Variants in ADAMTS12 observed in about 807,000 individuals in gnomAD.
ADAMTS12 encodes ADAM metallopeptidase with thrombospondin type 1 motif 12.
ADAMTS12 carries 118 observed loss-of-function variants against 167.8 expected under a neutral mutation model. That is an observed-to-expected ratio of 0.70 (90% CI 0.61 to 0.82). The LOEUF (loss-of-function observed/expected upper bound fraction) is 0.82. ADAMTS12 is among the 40% of genes least tolerant of loss of function. The pLI is 0.00. For missense variants in ADAMTS12, 1,916 were observed against 1,998.8 expected (o/e 0.96, Z 0.79); for synonymous variants, 704 against 716.9 (o/e 0.98, Z 0.29).
chr5:33,788,686 C>A (rs1353699233), intron 2 of ADAMTS12, among the ~76,000 whole-genome samples: 1 of 152,122 alleles, frequency 6.6e-6, no homozygotes, highest in Non-Finnish European at 1.5e-5. Context: ...TGGATTATAG[C>A]CTTGAGAAAG....
In ADAMTS12 at chr5:33,630,862, T is replaced by G. The variant is rs1162873433; in HGVS notation, c.1940A>C (p.Lys647Thr). The change falls in exon 13 of 24, where the codon AAA becomes ACA. Residue 647 changes from lysine to threonine, a missense_variant. Lys to Thr is a moderately conservative substitution (Grantham distance 78). Transcript: ENST00000504830. ...CRPIDGQFSE[K>T]MLDAVIDGTP... ...ACCATCAATGACAGCATCCAGCATT[T>G]TCTCAGAAAACTGGCCATCTATGGG... 1 of 1,613,704 alleles carries G rather than the reference T, an allele frequency of 6.2e-7. No homozygotes were observed. Among genetic ancestry groups the G allele is most frequent in the Non-Finnish European group, 8.5e-7 (1 of 1,179,704 alleles).
intron 20 of ADAMTS12, among the ~76,000 whole-genome samples, chr5:33,554,639 G>A (rs1253734627): frequency 4.6e-5 from 7 of 152,126 alleles, no homozygotes; most frequent in African/African-American, 1.7e-4. Flanking sequence ...TTTGCACACT[G>A]GACTTTAGTA....
chr5:33,821,668 G>A (rs1312258354), intron 2 of ADAMTS12, among the ~76,000 whole-genome samples: 1 of 151,956 alleles, frequency 6.6e-6, no homozygotes, highest in East Asian at 1.9e-4. Flanking sequence ...AATATATAAG[G>A]CAACACATTT....
At chr5:33,657,541 C>T (rs1741104597) in intron 7 of ADAMTS12, among the ~76,000 whole-genome samples, 1 of 152,200 alleles carries the variant, frequency 6.6e-6, no homozygotes, top group African/African-American at 2.4e-5. Flanking sequence ...TATATCTTCA[C>T]TCAAGCATTC....
intron 2 of ADAMTS12, among the ~76,000 whole-genome samples, chr5:33,849,722 GTATCTATATATGTATTGCATAGCAATAT>G (rs1749146307): frequency 6.8e-6 from 1 of 146,956 alleles, no homozygotes; most frequent in African/African-American, 2.5e-5. Context: ...GCAATATATA[GTATCTATATATGTATTGCATAGCAATAT>G]ATAGTATCTA....
chr5:33,700,548 G>C (rs1742961450), intron 3 of ADAMTS12, among the ~76,000 whole-genome samples: 1 of 152,192 alleles, frequency 6.6e-6, no homozygotes, highest in South Asian at 2.1e-4. Context: ...ATGGTAGGGA[G>C]GTGGGTATGG....
intron 18 of ADAMTS12, among the ~76,000 whole-genome samples, chr5:33,588,194 G>C (rs1448098336): frequency 6.6e-6 from 1 of 152,208 alleles, no homozygotes; most frequent in Non-Finnish European, 1.5e-5. Flanking sequence ...AGTGTCAAGC[G>C]ACACTCTTTT....
chr5:33,613,474 G>T (rs186806780), intron 16 of ADAMTS12, among the ~76,000 whole-genome samples: 2 of 152,086 alleles, frequency 1.3e-5, no homozygotes, highest in African/African-American at 2.4e-5. Context: ...GCCAACCAAC[G>T]AGATGTGAGT....
chr5:33,641,895 A>C lies in ADAMTS12; in HGVS notation c.1633T>G (p.Trp545Gly). The part of the protein sequence containing the change: ...GKKPESIPGG[W>G]GRWSPWSHCS... Reference sequence around the variant, plus strand: ...TGGGACCAGGGTGACCAGCGGCCCCAGCCTCCAGGAATGCTCTCTGGTTTC... The same window carrying C: ...TGGGACCAGGGTGACCAGCGGCCCCCGCCTCCAGGAATGCTCTCTGGTTTC... The change falls in exon 11 of 24, where the codon TGG becomes GGG. Residue 545 changes from tryptophan to glycine, a missense_variant. Coordinates refer to ENST00000504830, the MANE Select transcript of ADAMTS12 (RefSeq NM_030955.4). 1 of 1,613,824 alleles carries C rather than the reference A, an allele frequency of 6.2e-7. No individual in the cohort carries two copies. The highest frequency in any genetic ancestry group is 8.5e-7 in the Non-Finnish European group (1 of 1,179,794).
At chr5:33,661,682 A>G (rs1172880840) in intron 6 of ADAMTS12, among the ~76,000 whole-genome samples, 1 of 152,234 alleles carries the variant, frequency 6.6e-6, no homozygotes, top group Admixed American at 6.5e-5. Context: ...AGAGGCCTGC[A>G]TTTTGCCAGC....
At chr5:33,617,368 C>T (rs532492025) in intron 14 of ADAMTS12, among the ~76,000 whole-genome samples, 11 of 152,180 alleles carry the variant, frequency 7.2e-5, no homozygotes, top group East Asian at 3.9e-4. Flanking sequence ...CTTCCTCTGG[C>T]GCTAAAGAAG....
At chr5:33,631,474 A>T (rs1739929516) in intron 12 of ADAMTS12, among the ~76,000 whole-genome samples, 2 of 151,726 alleles carry the variant, frequency 1.3e-5, no homozygotes, top group Non-Finnish European at 2.9e-5. Flanking sequence ...ATGTAGAAAC[A>T]TTTTTTTTGT....
chr5:33,787,106 C>T (rs931826120), intron 2 of ADAMTS12, among the ~76,000 whole-genome samples: 1 of 152,136 alleles, frequency 6.6e-6, no homozygotes, highest in African/African-American at 2.4e-5. Flanking sequence ...ACTATACCCC[C>T]CAACCTGAAG....
chr5:33,588,985 C>T (rs1437480246), intron 17 of ADAMTS12, among the ~76,000 whole-genome samples, 176 bp from the exon 18 acceptor site: 1 of 152,174 alleles, frequency 6.6e-6, no homozygotes, highest in Non-Finnish European at 1.5e-5. Flanking sequence ...AATCATAGCT[C>T]CGTAGCTCTG....
intron 2 of ADAMTS12, among the ~76,000 whole-genome samples, chr5:33,795,219 G>C (rs1330107426): frequency 6.6e-6 from 1 of 152,178 alleles, no homozygotes; most frequent in Non-Finnish European, 1.5e-5. Context: ...CTGGCACCCA[G>C]TGTGCTTACA....
intron 18 of ADAMTS12, among the ~76,000 whole-genome samples, chr5:33,587,965 A>G (rs436415): frequency 0.23 from 34,632 of 152,200 alleles, 4,038 homozygotes; most frequent in Non-Finnish European, 0.25. Flanking sequence ...ATGAAACCAG[A>G]TTCCAAAGTG....
In ADAMTS12 at chr5:33,568,829, C is replaced by A. The variant is rs377701750; in HGVS notation, c.3972+7225G>T. Among the ~76,000 whole-genome samples, 7 of 152,316 alleles carry A rather than the reference C, an allele frequency of 4.6e-5. No homozygotes were observed. In the South Asian group the frequency reaches 1.2e-3, roughly 27 times the overall value. ...GGGAAGCGCAAGGGGTCAGGGAGTT[C>A]CCTTTCCTGGTCAAGGAAAGGGGTG... On this transcript the variant is annotated intron_variant, in intron 19 of 23. Coordinates refer to ENST00000504830, the MANE Select transcript of ADAMTS12 (RefSeq NM_030955.4).
At chr5:33,614,048 G>A (rs1450019744) in intron 16 of ADAMTS12, among the ~76,000 whole-genome samples, 190 bp downstream of exon 16, 4 of 152,124 alleles carry the variant, frequency 2.6e-5, no homozygotes, top group Non-Finnish European at 5.9e-5. Flanking sequence ...CCAGTATATA[G>A]AGCTGATAAA....
intron 9 of ADAMTS12, among the ~76,000 whole-genome samples, chr5:33,644,060 C>T (rs1352825048): frequency 6.6e-6 from 1 of 152,206 alleles, no homozygotes; most frequent in Non-Finnish European, 1.5e-5. Context: ...GGCTTAGCTG[C>T]TTCCATCTAT....
Sources: allele counts gnomAD v4.1 joint callset (sites outside exome capture counted in the v4.1 genomes callset), GRCh38; gene constraint gnomAD v4.1.1; transcripts MANE v1.5; gene names NCBI Gene and HGNC (gene_info 2026-07-23, HGNC 2026-07-21).